NUDCD3: variants seen among roughly 807,000 people sequenced by gnomAD.
The protein encoded by NUDCD3 is NudC domain containing 3.
NUDCD3 carries 13 observed loss-of-function variants against 39.7 expected under a neutral mutation model. That is an observed-to-expected ratio of 0.33 (90% CI 0.21 to 0.52). NUDCD3 has a LOEUF of 0.52. Among genes scored for constraint, NUDCD3 ranks in the 20% least tolerant of loss-of-function variants. The pLI, the probability that NUDCD3 is intolerant of heterozygous loss-of-function variation, is 0.96. For missense variants in NUDCD3, 453 were observed against 458.1 expected (o/e 0.99, Z 0.10); for synonymous variants, 175 against 172.4 (o/e 1.02, Z -0.12).
chr7:44,446,231 T>C (rs941606291), intron 2 of NUDCD3, among the ~76,000 whole-genome samples: 1 of 152,216 alleles, frequency 6.6e-6, no homozygotes, highest in Non-Finnish European at 1.5e-5. Context: ...TGGGCTTTCC[T>C]TGTGACCATC....
intron 2 of NUDCD3, among the ~76,000 whole-genome samples, chr7:44,443,076 C>T (rs1036362024): frequency 2.5e-4 from 38 of 152,216 alleles, no homozygotes; most frequent in African/African-American, 8.7e-4. Context: ...AGAAAGCAGG[C>T]ATTTTGTTTA....
chr7:44,486,651 T>C lies in NUDCD3; in HGVS notation c.193-1367A>G, dbSNP rs190716090. Among the ~76,000 whole-genome samples the C allele has an allele frequency of 2.0e-4, 31 of 152,354 alleles. No homozygotes were observed. The South Asian group carries it at 3.5e-3, about 17-fold the overall frequency. On this transcript the variant is annotated intron_variant, in intron 1 of 5. Transcript: ENST00000355451. Reference sequence around the variant, plus strand: ...TAGGGTCTCTACCGCTTTGAGTCCATGCTTTCAGAGTTGCTCATCCTGCTG... The same window carrying C: ...TAGGGTCTCTACCGCTTTGAGTCCACGCTTTCAGAGTTGCTCATCCTGCTG...
chr7:44,410,241 A>C (rs1227526272), intron 3 of NUDCD3, among the ~76,000 whole-genome samples: 2 of 152,230 alleles, frequency 1.3e-5, no homozygotes, highest in Non-Finnish European at 2.9e-5. Flanking sequence ...AAGCCAAGTC[A>C]ATAATGAAGG....
intron 3 of NUDCD3, among the ~76,000 whole-genome samples, chr7:44,409,960 T>C (rs773945313): frequency 1.5e-4 from 22 of 151,724 alleles, no homozygotes; most frequent in Non-Finnish European, 2.5e-4. Context: ...ACAAGCAAAC[T>C]TGAAGACAGG....
chr7:44,475,826 T>C (rs527412262), intron 2 of NUDCD3, among the ~76,000 whole-genome samples: 1 of 152,210 alleles, frequency 6.6e-6, no homozygotes, highest in South Asian at 2.1e-4. Context: ...ATAGAAAATA[T>C]CCCAAAAAGT....
chr7:44,401,704 C>T (rs942731416), intron 4 of NUDCD3, among the ~76,000 whole-genome samples: 14 of 152,134 alleles, frequency 9.2e-5, no homozygotes, highest in Non-Finnish European at 2.9e-5. Flanking sequence ...ACAGGTGCCC[C>T]TCAGTCTGCA....
chr7:44,435,364 T>C (rs953745533), intron 2 of NUDCD3, among the ~76,000 whole-genome samples: 2 of 151,788 alleles, frequency 1.3e-5, no homozygotes, highest in Non-Finnish European at 2.9e-5. Context: ...ACCAGGAGGG[T>C]CATGCTGAAA....
intron 3 of NUDCD3, among the ~76,000 whole-genome samples, chr7:44,409,753 G>A (rs1029639843): frequency 6.6e-6 from 1 of 152,110 alleles, no homozygotes. Context: ...CTAAAGGAAA[G>A]TATGGGAATA....
At chr7:44,478,231 C>T (rs117679175) in intron 2 of NUDCD3, among the ~76,000 whole-genome samples, 1 of 152,196 alleles carries the variant, frequency 6.6e-6, no homozygotes, top group Non-Finnish European at 1.5e-5. Context: ...TGCAAATTCT[C>T]TCTCTTCTCT....
At chr7:44,464,541 C>G (rs1409649091) in intron 2 of NUDCD3, among the ~76,000 whole-genome samples, 2 of 152,004 alleles carry the variant, frequency 1.3e-5, no homozygotes. Context: ...GCAACCTCCA[C>G]CTCTCAGACT....
chr7:44,405,756 G>T (rs937127130), intron 3 of NUDCD3, among the ~76,000 whole-genome samples: 6 of 152,208 alleles, frequency 3.9e-5, no homozygotes, highest in Middle Eastern at 6.8e-3. Context: ...ATAAAAAATG[G>T]AAATGGGAGA....
intron 3 of NUDCD3, among the ~76,000 whole-genome samples, chr7:44,409,271 C>T (rs1362858559): frequency 6.6e-6 from 1 of 152,124 alleles, no homozygotes; most frequent in Non-Finnish European, 1.5e-5. Context: ...TTAGGCCAAG[C>T]AATGAAGGTA....
chr7:44,487,619 CT>C (rs1403987909), intron 1 of NUDCD3, among the ~76,000 whole-genome samples: 1 of 152,142 alleles, frequency 6.6e-6, no homozygotes, highest in Non-Finnish European at 1.5e-5. Flanking sequence ...CTGAAATCAC[CT>C]TTACAAACCT....
chr7:44,469,132 A>C (rs1365108298), intron 2 of NUDCD3, among the ~76,000 whole-genome samples: 1 of 150,214 alleles, frequency 6.7e-6, no homozygotes, highest in Non-Finnish European at 1.5e-5. Context: ...AAAAAAAAAA[A>C]AAAAAAAAAC....
At chr7:44,460,410 G>A (rs777519644) in intron 2 of NUDCD3, among the ~76,000 whole-genome samples, 1 of 152,152 alleles carries the variant, frequency 6.6e-6, no homozygotes, top group Non-Finnish European at 1.5e-5. Context: ...AGTACGGCCT[G>A]CCCTAGGAAG....
chr7:44,455,618 G>T (rs1184115675), intron 2 of NUDCD3, among the ~76,000 whole-genome samples: 1 of 152,168 alleles, frequency 6.6e-6, no homozygotes, highest in Non-Finnish European at 1.5e-5. Flanking sequence ...CAGCGCAAGT[G>T]TGTGTGTGAG....
intron 2 of NUDCD3, among the ~76,000 whole-genome samples, chr7:44,477,699 G>A (rs1800402076): frequency 1.3e-5 from 2 of 151,838 alleles, no homozygotes; most frequent in South Asian, 2.1e-4. Context: ...CAGACTTTGC[G>A]CCCCTCTCTT....
intron 5 of NUDCD3, among the ~76,000 whole-genome samples, chr7:44,390,503 T>C (rs1798493313): frequency 6.6e-6 from 1 of 152,052 alleles, no homozygotes; most frequent in South Asian, 2.1e-4. Context: ...CTGGGGAAGA[T>C]GTGAGAAACC....
chr7:44,473,141 C>A (rs1284356921), intron 2 of NUDCD3, among the ~76,000 whole-genome samples: 1 of 152,220 alleles, frequency 6.6e-6, no homozygotes, highest in Admixed American at 6.5e-5. Context: ...TAGTAAACAT[C>A]TTGGCCACAC....
Sources: allele counts gnomAD v4.1 joint callset (sites outside exome capture counted in the v4.1 genomes callset), GRCh38; gene constraint gnomAD v4.1.1; transcripts MANE v1.5; gene names NCBI Gene and HGNC (gene_info 2026-07-23, HGNC 2026-07-21).